The following PCDHGB4 variants were observed in gnomAD, a reference collection of about 807,000 sequenced individuals.
The protein encoded by PCDHGB4 is protocadherin gamma subfamily B, 4.
Under a neutral mutation model 60.5 loss-of-function variants are expected in PCDHGB4, and 38 were observed. The observed-to-expected ratio is 0.63, with a 90% CI of 0.48 to 0.82. PCDHGB4 has a LOEUF of 0.82. Among genes scored for constraint, PCDHGB4 ranks in the 40% least tolerant of loss-of-function variants. PCDHGB4 has a pLI of 0.00. For synonymous variants in PCDHGB4, 456 were observed against 509.7 expected, an observed-to-expected ratio of 0.89 and a Z score of 1.42; for missense variants, 1,109 against 1,209.6, an observed-to-expected ratio of 0.92 and a Z score of 1.23.
intron 1 of PCDHGB4, chr5:141,404,741 GACT>G: frequency 6.2e-7 from 1 of 1,614,072 alleles, no homozygotes; most frequent in Non-Finnish European, 8.5e-7. Flanking sequence ...AGTGGACAGA[GACT>G]CAGGCCAGAA....
At chr5:141,475,980 C>T (rs758066578) in intron 1 of PCDHGB4, 45 of 1,028,498 alleles carry the variant, frequency 4.4e-5, no homozygotes, top group Non-Finnish European at 6.2e-5. Flanking sequence ...ACTGAACAGC[C>T]GGCGAGCAAA....
chr5:141,399,349 C>A (rs1467940246), intron 1 of PCDHGB4: 15 of 1,613,814 alleles, frequency 9.3e-6, no homozygotes, highest in African/African-American at 1.3e-5. Flanking sequence ...AACCCTAGAC[C>A]GAGAGCAAAC....
rs368153419 is a variant in PCDHGB4 at position 141,476,458 on chromosome 5, C to T, written c.2398-18349C>T. 1 of 1,614,044 alleles carries T rather than the reference C, an allele frequency of 6.2e-7. No homozygotes were observed. Among genetic ancestry groups the T allele is most frequent in the Non-Finnish European group, 8.5e-7 (1 of 1,180,014 alleles). On this transcript the variant is annotated intron_variant, in intron 1 of 3. Coordinates refer to ENST00000519479, the MANE Select transcript of PCDHGB4 (RefSeq NM_003736.4). The surrounding 1 kb of genome is among the most constrained non-coding windows in gnomAD (Gnocchi z 7.6). ...TAACTCTGGAGTTGGTAGTGGAGAA[C>T]CCGCTGGAGCTGTTCAGCGTGGAAG...
chr5:141,427,138 A>G (rs1397576025), intron 1 of PCDHGB4: 1 of 456,954 alleles, frequency 2.2e-6, no homozygotes, highest in Non-Finnish European at 4.4e-6. Context: ...CTACGAGATG[A>G]TATTGGAAAT....
chr5:141,419,443 C>G lies in PCDHGB4; in HGVS notation c.2397+29162C>G, dbSNP rs1476796525. ...TCGACCACGAGCAGCTGCGCACCTT[C>G]GAGCTCACGCTGCAGGCCCGCGACC... On this transcript the variant is annotated intron_variant, in intron 1 of 3. Coordinates refer to ENST00000519479, the MANE Select transcript of PCDHGB4 (RefSeq NM_003736.4). 6.2e-7 allele frequency: 1 copy of G among 1,613,080 alleles called. No individual in the cohort carries two copies. Among genetic ancestry groups the G allele is most frequent in the Non-Finnish European group, 8.5e-7 (1 of 1,179,758 alleles).
chr5:141,428,110 C>G (rs917739943), intron 1 of PCDHGB4: 11 of 1,607,538 alleles, frequency 6.8e-6, no homozygotes, highest in Middle Eastern at 3.4e-4. Context: ...GTGCTGCAGG[C>G]CATCGAGCCC....
Position 141,481,023 on chromosome 5 carries a change from A to G in PCDHGB4, c.2398-13784A>G, listed in dbSNP as rs546827260. On this transcript the variant is annotated intron_variant, in intron 1 of 3. Transcript: ENST00000519479. ...CAGTGAGCCCAGATCACACCACTGC[A>G]CTCCAGCCTGGGCGACAGAGCGAGA... Among the ~76,000 whole-genome samples the G allele has an allele frequency of 9.0e-4, 137 of 152,218 alleles. 1 individual carries two copies. The highest frequency in any genetic ancestry group is 3.2e-3 in the African/African-American group (132 of 41,516).
chr5:141,389,062 T>G lies in PCDHGB4; in HGVS notation c.1178T>G (p.Leu393Ter), dbSNP rs991150761. 6.2e-7 allele frequency: 1 copy of G among 1,613,856 alleles called. No individual in the cohort carries two copies. Among genetic ancestry groups the G allele is most frequent in the African/African-American group, 1.3e-5 (1 of 74,922 alleles). Reference protein sequence around the residue: ...KLEGDVPFKILTSSRNTYKLV... With the variant: ...KLEGDVPFKI The stretch of plus-strand genomic sequence containing the variant: ...GAAGGTGATGTTCCATTTAAAATAT[T>G]AACTTCTTCAAGAAACACGTATAAA... Residue 393 changes from leucine to a stop codon, truncating the protein, a stop_gained, in exon 1 of 4, where the codon TTA becomes TGA. Transcript: ENST00000519479. LOFTEE classifies it high-confidence loss of function.
intron 1 of PCDHGB4, among the ~76,000 whole-genome samples, chr5:141,483,658 G>C (rs906346163): frequency 1.4e-4 from 22 of 152,028 alleles, no homozygotes; most frequent in Non-Finnish European, 2.4e-4. Context: ...TTGTGTGTGT[G>C]TGTGTGTGTG....
chr5:141,435,718 G>T (rs2097776232), intron 1 of PCDHGB4, among the ~76,000 whole-genome samples: 1 of 152,150 alleles, frequency 6.6e-6, no homozygotes, highest in African/African-American at 2.4e-5. Context: ...GACACTGAAT[G>T]CTAAAGTGTA....
chr5:141,414,642 C>A (rs547014431), intron 1 of PCDHGB4: 1 of 1,613,962 alleles, frequency 6.2e-7, no homozygotes, highest in Admixed American at 1.7e-5. Context: ...AAGAGAATGC[C>A]CAGATTATTT....
intron 1 of PCDHGB4, chr5:141,395,873 G>A (rs1430280971): frequency 6.6e-6 from 1 of 152,046 alleles, no homozygotes; most frequent in Non-Finnish European, 1.5e-5. Flanking sequence ...TTAAGTATGT[G>A]AGTCAGTGGT....
chr5:141,503,161 T>C (rs1035413931), intron 2 of PCDHGB4, among the ~76,000 whole-genome samples: 3 of 152,054 alleles, frequency 2.0e-5, no homozygotes, highest in Admixed American at 1.3e-4. Context: ...AGTATCACAA[T>C]TGCAATTACT....
intron 1 of PCDHGB4, chr5:141,419,568 A>T: frequency 1.2e-6 from 2 of 1,611,742 alleles, no homozygotes; most frequent in African/African-American, 2.7e-5. Flanking sequence ...CTGGGTCCCG[A>T]CGGCTCCGCG....
At chr5:141,500,222 T>TGA (rs1355843194) in intron 2 of PCDHGB4, among the ~76,000 whole-genome samples, 1 of 146,758 alleles carries the variant, frequency 6.8e-6, no homozygotes, top group Non-Finnish European at 1.5e-5. Flanking sequence ...ATTTATTTAT[T>TGA]TATTGATACG....
intron 3 of PCDHGB4, chr5:141,506,958 A>C (rs529190059): frequency 1.6e-3 from 239 of 152,280 alleles, no homozygotes; most frequent in African/African-American, 5.5e-3. Flanking sequence ...GAATCCTCTC[A>C]ATAGCTCTGC....
At chr5:141,480,167 G>C (rs752444894) in intron 1 of PCDHGB4, among the ~76,000 whole-genome samples, 3 of 151,964 alleles carry the variant, frequency 2.0e-5, no homozygotes, top group Non-Finnish European at 2.9e-5. Flanking sequence ...ATTTTGGGAG[G>C]CTGAGGCAGG....
chr5:141,507,504 C>T (rs1443873775), intron 3 of PCDHGB4, among the ~76,000 whole-genome samples: 1 of 152,138 alleles, frequency 6.6e-6, no homozygotes, highest in Admixed American at 6.5e-5. Flanking sequence ...TGTCCCAGGT[C>T]TGGTGGGGCT....
Position 141,487,401 on chromosome 5 carries a change from T to C in PCDHGB4, c.2398-7406T>C, listed in dbSNP as rs2099644244. The C allele has an allele frequency of 6.2e-7, 1 of 1,614,134 alleles. No individual in the cohort carries two copies. The highest frequency in any genetic ancestry group is 1.3e-5 in the African/African-American group (1 of 75,046). On this transcript the variant is annotated intron_variant, in intron 1 of 3. Transcript: ENST00000519479. This position sits in a 1 kb window ranked among gnomAD's most constrained non-coding sequence, Gnocchi z 5.0. ...ACCAGATCTCGAAGGAGGGAGGGGCTTCCCCCTTCCAATGGGATCCTCCGA... is the reference window on the plus strand; with the variant it reads ...ACCAGATCTCGAAGGAGGGAGGGGCCTCCCCCTTCCAATGGGATCCTCCGA...
Sources: gnomAD v4.1 joint callset for allele counts (sites outside exome capture counted in the v4.1 genomes callset) on GRCh38, gnomAD v4.1.1 for gene constraint, Gnocchi (gnomAD v3.1) non-coding constraint, MANE v1.5 for transcripts, NCBI Gene and HGNC (gene_info 2026-07-23, HGNC 2026-07-21) for gene names.